The following LGSN variants were observed in gnomAD, a reference collection of about 807,000 sequenced individuals.
LGSN encodes lengsin.
Under a neutral mutation model 19.5 loss-of-function variants are expected in LGSN, and 21 were observed. That is an observed-to-expected ratio of 1.07 (90% CI 0.76 to 1.55). LGSN has a LOEUF of 1.55. Among genes scored for constraint, LGSN ranks in the 40% most tolerant of loss-of-function variants. The pLI, the probability that LGSN is intolerant of heterozygous loss-of-function variation, is 0.00. For missense variants in LGSN, 673 were observed against 608.5 expected (o/e 1.11, Z -1.12); for synonymous variants, 257 against 215.6 (o/e 1.19, Z -1.68).
chr6:63,448,288 T>C, the LGSN span, among the ~76,000 whole-genome samples: 2 of 152,214 alleles, frequency 1.3e-5, no homozygotes, highest in Admixed American at 1.3e-4. Context: ...AAAGGACAAC[T>C]GGACATCTTA....
At chr6:63,325,965 C>T in the LGSN span, among the ~76,000 whole-genome samples, 7 of 152,172 alleles carry the variant, frequency 4.6e-5, no homozygotes, top group Non-Finnish European at 7.3e-5. Flanking sequence ...CCACCCACAT[C>T]CCGCTGATTG....
At chr6:63,462,835 T>A in the LGSN span, among the ~76,000 whole-genome samples, 1 of 152,220 alleles carries the variant, frequency 6.6e-6, no homozygotes, top group Non-Finnish European at 1.5e-5. Context: ...GTAGATAGGA[T>A]AAACCGGAAC....
the LGSN span, among the ~76,000 whole-genome samples, chr6:63,542,233 A>G: frequency 6.6e-6 from 1 of 152,106 alleles, no homozygotes; most frequent in Non-Finnish European, 1.5e-5. Context: ...GAGGATGCAA[A>G]GGCATAGGAA....
intron 1 of LGSN, among the ~76,000 whole-genome samples, chr6:63,296,478 G>A (rs1767979959): frequency 6.6e-6 from 1 of 150,986 alleles, no homozygotes. Flanking sequence ...AAATGCATAT[G>A]TATATATTTA....
chr6:63,481,043 A>G, the LGSN span, among the ~76,000 whole-genome samples: 1 of 146,314 alleles, frequency 6.8e-6, no homozygotes, highest in East Asian at 2.0e-4. Flanking sequence ...CTCAACCATG[A>G]AAGGGAATGA....
the LGSN span, among the ~76,000 whole-genome samples, chr6:63,558,783 A>C: frequency 3.9e-5 from 6 of 152,220 alleles, no homozygotes; most frequent in Admixed American, 2.0e-4. Context: ...TTAAAATACC[A>C]ACACCTATAG....
the LGSN span, among the ~76,000 whole-genome samples, chr6:63,469,409 G>A: frequency 2.2e-4 from 34 of 152,304 alleles, no homozygotes; most frequent in Admixed American, 9.2e-4. Flanking sequence ...AGGCAATGCT[G>A]TAAGCATCAC....
At chr6:63,337,203 G>T in the LGSN span, among the ~76,000 whole-genome samples, 1 of 151,992 alleles carries the variant, frequency 6.6e-6, no homozygotes. Context: ...GATTACAGGT[G>T]TGAGCCACTG....
At chr6:63,478,316 A>G in the LGSN span, among the ~76,000 whole-genome samples, 2 of 152,358 alleles carry the variant, frequency 1.3e-5, no homozygotes, top group East Asian at 3.9e-4. Flanking sequence ...ACAAATCCAC[A>G]GTGACAGAAA....
At chr6:63,291,987 C>A (rs1767789268) in intron 2 of LGSN, among the ~76,000 whole-genome samples, 1 of 152,122 alleles carries the variant, frequency 6.6e-6, no homozygotes, top group African/African-American at 2.4e-5. Flanking sequence ...CAGAAAAGCT[C>A]TAAATATGAG....
At chr6:63,485,149 A>G in the LGSN span, among the ~76,000 whole-genome samples, 2 of 151,892 alleles carry the variant, frequency 1.3e-5, no homozygotes, top group Admixed American at 6.6e-5. Flanking sequence ...TAAGCCTAGT[A>G]TCCATTAGTT....
At chr6:63,356,343 C>A in the LGSN span, among the ~76,000 whole-genome samples, 8 of 152,160 alleles carry the variant, frequency 5.3e-5, no homozygotes, top group Middle Eastern at 3.4e-3. Context: ...AGTTCGAGAC[C>A]AGCCTGAACA....
chr6:63,528,424 T>C, the LGSN span, among the ~76,000 whole-genome samples: 316 of 151,254 alleles, frequency 2.1e-3, 1 homozygote, highest in Middle Eastern at 0.01. Flanking sequence ...AGTGAATCTC[T>C]GTCTTTTTTT....
At chr6:63,412,186 G>C in the LGSN span, among the ~76,000 whole-genome samples, 1 of 151,796 alleles carries the variant, frequency 6.6e-6, no homozygotes, top group African/African-American at 2.4e-5. Flanking sequence ...GGCCAACACG[G>C]CAAAACCCTG....
At chr6:63,370,167 A>G in the LGSN span, among the ~76,000 whole-genome samples, 3 of 152,248 alleles carry the variant, frequency 2.0e-5, no homozygotes, top group Non-Finnish European at 4.4e-5. Flanking sequence ...TATTCATGCC[A>G]GGTAACATCC....
chr6:63,529,203 A>C, the LGSN span, among the ~76,000 whole-genome samples: 4 of 148,332 alleles, frequency 2.7e-5, no homozygotes, highest in Admixed American at 2.0e-4. Flanking sequence ...ATATATATAT[A>C]TGTATATATA....
At chr6:63,549,095 T>C in the LGSN span, 1 of 707,326 alleles carries the variant, frequency 1.4e-6, no homozygotes, top group East Asian at 2.6e-5. Flanking sequence ...TGTTAACTCC[T>C]GCTCGAAGGA....
intron 1 of LGSN, among the ~76,000 whole-genome samples, chr6:63,307,947 T>C (rs1344808071): frequency 2.0e-5 from 3 of 152,192 alleles, no homozygotes; most frequent in African/African-American, 7.2e-5. Context: ...CCAAATAGCC[T>C]GGCTTGGACT....
At chr6:63,326,802 C>T in the LGSN span, among the ~76,000 whole-genome samples, 700 of 151,928 alleles carry the variant, frequency 4.6e-3, 5 homozygotes, top group African/African-American at 0.014. Flanking sequence ...CCGCAAGTGC[C>T]GTGCGCAGCC....
Sources: gnomAD v4.1 joint callset for allele counts (sites outside exome capture counted in the v4.1 genomes callset) on GRCh38, gnomAD v4.1.1 for gene constraint, MANE v1.5 for transcripts, NCBI Gene and HGNC (gene_info 2026-07-23, HGNC 2026-07-21) for gene names.